Variants in ADARB2 observed in about 807,000 individuals in gnomAD.
ADARB2 encodes adenosine deaminase RNA specific B2 (inactive).
In ADARB2, 25 loss-of-function variants were observed where a neutral mutation model predicts 62.2. The ratio of observed to expected loss-of-function variants is 0.40; its 90% CI spans 0.29 to 0.56. The LOEUF (loss-of-function observed/expected upper bound fraction) is 0.56, where lower values mean the gene tolerates loss of function less well. Among genes scored for constraint, ADARB2 ranks in the 20% least tolerant of loss-of-function variants. The pLI, the probability that ADARB2 is intolerant of heterozygous loss-of-function variation, is 0.43. For missense variants in ADARB2, 1,071 were observed against 1,077.4 expected, an observed-to-expected ratio of 0.99 and a Z score of 0.08; for synonymous variants, 572 against 500.8, an observed-to-expected ratio of 1.14 and a Z score of -1.90.
In ADARB2 at chr10:1,570,894, A is replaced by G. The variant is rs186760777; in HGVS notation, c.100+166157T>C. Among the ~76,000 whole-genome samples, 10 of 152,244 alleles carry G rather than the reference A, an allele frequency of 6.6e-5. No homozygotes were observed. The East Asian group carries it at 1.9e-3, about 29-fold the overall frequency. Reference sequence around the variant, plus strand: ...CTGGAAACCGGAGGACTTGAGTGACAGGTGCAGGAGAGGCTGCTGCTCCAA... The same window carrying G: ...CTGGAAACCGGAGGACTTGAGTGACGGGTGCAGGAGAGGCTGCTGCTCCAA... On this transcript the variant is annotated intron_variant, in intron 1 of 9. Coordinates refer to ENST00000381312, the MANE Select transcript of ADARB2 (RefSeq NM_018702.4).
At chr10:1,651,904 A>C (rs925138198) in intron 1 of ADARB2, among the ~76,000 whole-genome samples, 1 of 152,188 alleles carries the variant, frequency 6.6e-6, no homozygotes, top group East Asian at 1.9e-4. Context: ...AGAGACCGCT[A>C]TCTCCACTGG....
chr10:1,445,073 C>T (rs1444667090), intron 1 of ADARB2, among the ~76,000 whole-genome samples: 1 of 150,820 alleles, frequency 6.6e-6, no homozygotes, highest in Non-Finnish European at 1.5e-5. Context: ...ATCCTTCCCT[C>T]CATTCATCCA....
chr10:1,454,472 A>G (rs1025397680), intron 1 of ADARB2, among the ~76,000 whole-genome samples: 1 of 152,250 alleles, frequency 6.6e-6, no homozygotes, highest in Non-Finnish European at 1.5e-5. Context: ...GTGCAAAGAA[A>G]ATGTGGAATA....
intron 3 of ADARB2, among the ~76,000 whole-genome samples, chr10:1,341,533 C>A (rs1364276136): frequency 2.1e-5 from 3 of 145,230 alleles, no homozygotes; most frequent in Non-Finnish European, 4.5e-5. Flanking sequence ...GCGGCAATAA[C>A]AAGCATCCAC....
At chr10:1,245,852 C>T in intron 4 of ADARB2, among the ~76,000 whole-genome samples, 1 of 151,516 alleles carries the variant, frequency 6.6e-6, no homozygotes, top group Non-Finnish European at 1.5e-5. Flanking sequence ...GGTATATACC[C>T]AGTAATGGGA....
chr10:1,327,964 TAC>T (rs1831890612), intron 3 of ADARB2, among the ~76,000 whole-genome samples: 1 of 118,486 alleles, frequency 8.4e-6, no homozygotes, highest in Non-Finnish European at 1.9e-5. Context: ...GTCTCACCAG[TAC>T]TCAGCGCCTC....
chr10:1,263,557 G>A (rs976144273), intron 4 of ADARB2, among the ~76,000 whole-genome samples: 5 of 152,226 alleles, frequency 3.3e-5, no homozygotes, highest in African/African-American at 4.8e-5. Flanking sequence ...AGATAGAATT[G>A]AATGCTCAGT....
chr10:1,241,858 TG>T (rs1345945768), intron 5 of ADARB2, among the ~76,000 whole-genome samples: 1 of 152,186 alleles, frequency 6.6e-6, no homozygotes, highest in African/African-American at 2.4e-5. Context: ...AGGGTGGCCT[TG>T]CCCGGAAGGA....
At chr10:1,576,151 C>CAGGAGGGGGCCCCG (rs1833017604) in intron 1 of ADARB2, among the ~76,000 whole-genome samples, 1 of 11,580 alleles carries the variant, frequency 8.6e-5, no homozygotes, top group Non-Finnish European at 1.7e-4. Context: ...GGGGGGTCCA[C>CAGGAGGGGGCCCCG]GGTCACAGGA....
chr10:1,321,991 C>G (rs1831799950), intron 3 of ADARB2, among the ~76,000 whole-genome samples: 1 of 152,006 alleles, frequency 6.6e-6, no homozygotes. Context: ...ACAGAAGACA[C>G]AGAAATGCTC....
At position 1,374,796 on chromosome 10, in the gene ADARB2, A is replaced by C. The variant is rs371355969; in HGVS notation, c.187+4278T>G. Reference sequence around the variant, plus strand: ...CGGGTCAGACGGGCTCCCGGGAGTTAGTCAGGCAGCGCGCCACGCTACATT... The same window carrying C: ...CGGGTCAGACGGGCTCCCGGGAGTTCGTCAGGCAGCGCGCCACGCTACATT... On this transcript the variant is annotated intron_variant, in intron 2 of 9. Coordinates refer to ENST00000381312, the MANE Select transcript of ADARB2 (RefSeq NM_018702.4). Among the ~76,000 whole-genome samples, 11 of 152,342 alleles carry C rather than the reference A, an allele frequency of 7.2e-5. No homozygotes were observed. In the East Asian group the frequency reaches 1.2e-3, roughly 16 times the overall value.
At chr10:1,544,066 G>C (rs1564324493) in intron 1 of ADARB2, among the ~76,000 whole-genome samples, 1 of 151,576 alleles carries the variant, frequency 6.6e-6, no homozygotes, top group Admixed American at 6.6e-5. Context: ...TGATGAAAGG[G>C]CAATGATGAC....
At chr10:1,635,384 T>C (rs11250686) in intron 1 of ADARB2, among the ~76,000 whole-genome samples, 28,729 of 152,174 alleles carry the variant, frequency 0.19, 3,338 homozygotes, top group Non-Finnish European at 0.26. Flanking sequence ...TAACTTAGAA[T>C]ACGTCTGCAA....
At chr10:1,276,625 G>A (rs754691844) in intron 3 of ADARB2, among the ~76,000 whole-genome samples, 14 of 152,122 alleles carry the variant, frequency 9.2e-5, no homozygotes, top group Middle Eastern at 3.2e-3. Flanking sequence ...AGAGACCTAC[G>A]AAAAGACTTA....
intron 7 of ADARB2, among the ~76,000 whole-genome samples, chr10:1,211,203 AT>A (rs1266080205): frequency 6.6e-6 from 1 of 151,756 alleles, no homozygotes; most frequent in Non-Finnish European, 1.5e-5. Flanking sequence ...ATCATCTATC[AT>A]TATCATCTAT....
Position 1,655,307 on chromosome 10 carries a change from C to T in ADARB2, c.100+81744G>A, listed in dbSNP as rs572217590. On this transcript the variant is annotated intron_variant, in intron 1 of 9. Coordinates refer to ENST00000381312, the MANE Select transcript of ADARB2 (RefSeq NM_018702.4). ...GTGGAAAGCGGGTGCCCACTCAACACCCCAGGGTCTAAGGGGACGTGGCAG... is the reference window on the plus strand; with the variant it reads ...GTGGAAAGCGGGTGCCCACTCAACATCCCAGGGTCTAAGGGGACGTGGCAG... Among the ~76,000 whole-genome samples, 7 of 152,302 alleles carry T rather than the reference C, an allele frequency of 4.6e-5. No individual in the cohort carries two copies. In the South Asian group the frequency reaches 1.5e-3, roughly 32 times the overall value.
chr10:1,306,007 G>T (rs1319443482), intron 3 of ADARB2, among the ~76,000 whole-genome samples: 2 of 152,210 alleles, frequency 1.3e-5, no homozygotes, highest in African/African-American at 4.8e-5. Flanking sequence ...CAGTGAGAGG[G>T]ATGCCCTATC....
intron 1 of ADARB2, among the ~76,000 whole-genome samples, chr10:1,705,390 G>T (rs1834876148): frequency 6.6e-6 from 1 of 152,172 alleles, no homozygotes; most frequent in Non-Finnish European, 1.5e-5. Flanking sequence ...GGGGTCCTGG[G>T]GGACCGGAGA....
intron 1 of ADARB2, among the ~76,000 whole-genome samples, chr10:1,382,898 T>A (rs2131861949): frequency 6.6e-6 from 1 of 152,152 alleles, no homozygotes; most frequent in East Asian, 1.9e-4. Flanking sequence ...GCTGCTCACA[T>A]CCTGGGTTCT....
Sources: gnomAD v4.1 joint callset for allele counts (sites outside exome capture counted in the v4.1 genomes callset) on GRCh38, gnomAD v4.1.1 for gene constraint, MANE v1.5 for transcripts, NCBI Gene and HGNC (gene_info 2026-07-23, HGNC 2026-07-21) for gene names.